N4BP1: variants seen among roughly 807,000 people sequenced by gnomAD.
N4BP1 encodes the protein NEDD4-binding protein 1.
Under a neutral mutation model 70.9 loss-of-function variants are expected in N4BP1, and 21 were observed. That is an observed-to-expected ratio of 0.30 (90% CI 0.21 to 0.43). The LOEUF (loss-of-function observed/expected upper bound fraction) is 0.43. Among genes scored for constraint, N4BP1 ranks in the 20% least tolerant of loss-of-function variants. The pLI, the probability that N4BP1 is intolerant of heterozygous loss-of-function variation, is 1.00. For missense variants in N4BP1, 936 were observed against 1,069.4 expected, an observed-to-expected ratio of 0.88 and a Z score of 1.74; for synonymous variants, 387 against 394.6, an observed-to-expected ratio of 0.98 and a Z score of 0.23.
chr16:48,598,832 C>T (rs1447954051), intron 1 of N4BP1, among the ~76,000 whole-genome samples: 1 of 151,984 alleles, frequency 6.6e-6, no homozygotes, highest in African/African-American at 2.4e-5. Context: ...TATAGGAGTC[C>T]TATGATCCAT....
intron 1 of N4BP1, among the ~76,000 whole-genome samples, chr16:48,585,043 T>C (rs1424083796): frequency 6.6e-6 from 1 of 151,796 alleles, no homozygotes; most frequent in Admixed American, 6.6e-5. Context: ...GTGATTCTCC[T>C]GCCTCAGCCT....
chr16:48,578,616 CCT>C (rs1183502425), intron 1 of N4BP1, among the ~76,000 whole-genome samples: 2 of 152,214 alleles, frequency 1.3e-5, no homozygotes. Flanking sequence ...ACACTCCACT[CCT>C]CTGTTACAGT....
Position 48,609,778 on chromosome 16 carries a change from G to A in N4BP1, c.195C>T (p.Ala65=). ...LCGAQEAVHS[A]KEYIKGICEP... is the part of the protein sequence containing the mutation. ...CGGGGGCGGCGGCCGGACTCACCTT[G>A]GCGCTGTGCACCGCCTCCTGCGCCC... is the stretch of plus-strand genomic sequence containing the variant. The change falls in exon 1 of 7, where the codon GCC becomes GCT. Residue 65 remains alanine, a synonymous_variant. Transcript: ENST00000262384. 1 of 1,445,552 alleles carries A rather than the reference G, an allele frequency of 6.9e-7. No individual in the cohort carries two copies. The highest frequency in any genetic ancestry group is 1.3e-5 in the South Asian group (1 of 75,158). 89.5% of individuals were successfully genotyped at this position (1,445,552 alleles called of 1,614,324 possible). A position where few individuals can be genotyped will look rare whatever the true frequency, so the allele number is the denominator to read the frequency against.
chr16:48,575,517 C>T (rs1382104310), intron 1 of N4BP1, among the ~76,000 whole-genome samples: 1 of 152,212 alleles, frequency 6.6e-6, no homozygotes, highest in African/African-American at 2.4e-5. Flanking sequence ...TTCCCGGCAA[C>T]TTCTACCATT....
At position 48,560,940 on chromosome 16, in the gene N4BP1, G is replaced by A. The variant is rs1246418033; in HGVS notation, c.1703C>T (p.Pro568Leu). ...CSTLSPPMPLPQLLPSVTDAR... is the reference protein window; with the variant it reads ...CSTLSPPMPLLQLLPSVTDAR... ...ATCAGTAACCGAAGGTAACAGCTGG[G>A]GCAGTGGCATTGGTGGAGAAAGGGT... The change falls in exon 2 of 7, where the codon CCC (proline) becomes CTC (leucine). Residue 568 changes from proline (P) to leucine (L), a missense_variant. Pro to Leu is a moderately conservative substitution (Grantham distance 98, BLOSUM62 -3). This residue lies in a region of N4BP1 where 515 missense variants were observed against 491.7 expected (regional missense o/e 1.05). Coordinates refer to ENST00000262384, the MANE Select transcript of N4BP1 (RefSeq NM_153029.4). The A allele has an allele frequency of 2.5e-6, 4 of 1,613,998 alleles. No homozygotes were observed. The highest frequency in any genetic ancestry group is 3.3e-4 in the Middle Eastern group (2 of 6,062).
At chr16:48,567,282 A>G (rs1567433965) in intron 1 of N4BP1, among the ~76,000 whole-genome samples, 1 of 152,140 alleles carries the variant, frequency 6.6e-6, no homozygotes, top group Non-Finnish European at 1.5e-5. Flanking sequence ...CTTCTTTTGC[A>G]TTATACAAAC....
At chr16:48,585,915 C>T (rs1964239241) in intron 1 of N4BP1, among the ~76,000 whole-genome samples, 1 of 152,022 alleles carries the variant, frequency 6.6e-6, no homozygotes, top group African/African-American at 2.4e-5. Flanking sequence ...AGGCTGGTCT[C>T]CAACTCCTGA....
chr16:48,583,318 G>A (rs1964200041), intron 1 of N4BP1, among the ~76,000 whole-genome samples: 1 of 152,162 alleles, frequency 6.6e-6, no homozygotes, highest in South Asian at 2.1e-4. Context: ...GGCATGGAAA[G>A]ACAAATGATG....
intron 6 of N4BP1, among the ~76,000 whole-genome samples, chr16:48,544,036 G>A (rs755004763): frequency 8.5e-5 from 13 of 152,194 alleles, no homozygotes; most frequent in Non-Finnish European, 1.6e-4. Flanking sequence ...TCTGACCCGC[G>A]GACCTGATTG....
chr16:48,545,603 A>G (rs1963579111), intron 6 of N4BP1, among the ~76,000 whole-genome samples: 1 of 152,020 alleles, frequency 6.6e-6, no homozygotes, highest in African/African-American at 2.4e-5. Flanking sequence ...AATAAAAATA[A>G]ACCCACAAAA....
chr16:48,599,177 C>T (rs138834420), intron 1 of N4BP1, among the ~76,000 whole-genome samples: 9 of 152,256 alleles, frequency 5.9e-5, no homozygotes, highest in African/African-American at 1.9e-4. Flanking sequence ...TTTCCAGTAA[C>T]ACCTCGATTC....
intron 1 of N4BP1, among the ~76,000 whole-genome samples, chr16:48,589,365 T>A (rs867566934): frequency 2.6e-5 from 4 of 152,086 alleles, no homozygotes; most frequent in African/African-American, 9.7e-5. Flanking sequence ...GAAGGTTAGT[T>A]TGATCATCAG....
chr16:48,594,775 T>C (rs967013624), intron 1 of N4BP1, among the ~76,000 whole-genome samples: 4 of 152,248 alleles, frequency 2.6e-5, no homozygotes, highest in African/African-American at 9.6e-5. Flanking sequence ...ATGAGATTCC[T>C]ATAATTCTAA....
At position 48,540,909 on chromosome 16, in the gene N4BP1, T is replaced by C. The variant is rs763692021; in HGVS notation, c.*1995A>G. ...GGAAGGAATGATGAATTCCGTCTCA[T>C]GCTGTAACTGATGAAGGCAACCAAT... On this transcript the variant is annotated 3_prime_UTR_variant, in exon 7 of 7. Transcript: ENST00000262384. 7.9e-5 allele frequency: 12 copies of C among 152,216 alleles called. No individual in the cohort carries two copies. Among genetic ancestry groups the C allele is most frequent in the Non-Finnish European group, 1.5e-4 (10 of 68,036 alleles). 9.4% of individuals were successfully genotyped at this position (152,216 alleles called of 1,614,324 possible).
rs1963473562 is a variant in N4BP1 at position 48,540,155 on chromosome 16, G to C, written c.*2749C>G. ...CCTGGGCAAGTCGGCCAGGAGGCGG[G>C]AGGCGTGGGTCAGAGACACTGCAGG... On this transcript the variant is annotated 3_prime_UTR_variant, in exon 7 of 7. Coordinates refer to ENST00000262384, the MANE Select transcript of N4BP1 (RefSeq NM_153029.4). 1 of 152,672 alleles carries C rather than the reference G, an allele frequency of 6.5e-6. No homozygotes were observed. The highest frequency in any genetic ancestry group is 2.4e-5 in the African/African-American group (1 of 41,480). The allele number at this position is 152,672 out of a possible 1,614,324, so 9.5% of individuals were successfully genotyped here.
intron 1 of N4BP1, chr16:48,587,526 AAC>A (rs1964263592): frequency 6.6e-6 from 1 of 152,224 alleles, no homozygotes; most frequent in East Asian, 1.9e-4. Flanking sequence ...ATGGAAAGAA[AAC>A]ACTTTCAAAA....
chr16:48,589,710 T>G (rs11076572), intron 1 of N4BP1, among the ~76,000 whole-genome samples: 54,762 of 151,984 alleles, frequency 0.36, 10,121 homozygotes, highest in African/African-American at 0.42. Flanking sequence ...AACTTTTCCC[T>G]AGATCCCTAC....
At chr16:48,565,861 T>C (rs1415658438) in intron 1 of N4BP1, among the ~76,000 whole-genome samples, 1 of 152,256 alleles carries the variant, frequency 6.6e-6, no homozygotes, top group Non-Finnish European at 1.5e-5. Context: ...CATGGCAGTT[T>C]GTGCCTTTTG....
rs1963846099 is a variant in N4BP1, at chr16:48,560,980, T to C, written c.1663A>G (p.Lys555Glu). ...GGAGAAAGGGTTGAGCAATTTGGCT[T>C]AGAATGAGGAGAACTACAACATCCT... is the stretch of plus-strand genomic sequence containing the variant. ...RLGCCSSPHS[K>E]PNCSTLSPPM... The change falls in exon 2 of 7, where the codon AAG becomes GAG. Residue 555 changes from lysine to glutamate, a missense_variant. Coordinates refer to ENST00000262384, the MANE Select transcript of N4BP1 (RefSeq NM_153029.4). The C allele has an allele frequency of 6.2e-7, 1 of 1,614,006 alleles. No individual in the cohort carries two copies. The highest frequency in any genetic ancestry group is 8.5e-7 in the Non-Finnish European group (1 of 1,179,890).
Sources: allele counts gnomAD v4.1 joint callset (sites outside exome capture counted in the v4.1 genomes callset), GRCh38; gene constraint gnomAD v4.1.1; regional missense constraint gnomAD v4.1.1; transcripts MANE v1.5; gene names NCBI Gene and HGNC (gene_info 2026-07-23, HGNC 2026-07-21).